The following NTM variants were observed in gnomAD, a reference collection of about 807,000 sequenced individuals.
The protein encoded by NTM is IgLON family member 2.
In NTM, 13 loss-of-function variants were observed where a neutral mutation model predicts 42.1. That is an observed-to-expected ratio of 0.31 (90% CI 0.20 to 0.49). NTM has a LOEUF of 0.49. NTM is among the 20% of genes least tolerant of loss of function. The pLI is 0.99. For missense variants in NTM, 373 were observed against 452.8 expected (o/e 0.82, Z 1.60); for synonymous variants, 187 against 179.2 (o/e 1.04, Z -0.35).
intron 1 of NTM, among the ~76,000 whole-genome samples, chr11:131,498,801 T>C (rs529844689): frequency 4.6e-5 from 7 of 152,334 alleles, no homozygotes; most frequent in African/African-American, 1.7e-4. Context: ...GCTGGGCTCC[T>C]CATTTGATCT....
intron 1 of NTM, among the ~76,000 whole-genome samples, chr11:131,762,389 G>T (rs2084350988): frequency 6.6e-6 from 1 of 152,228 alleles, no homozygotes; most frequent in Non-Finnish European, 1.5e-5. Context: ...GGATACCCAG[G>T]GGTGGAGACA....
At position 131,577,789 on chromosome 11, in the gene NTM, T is replaced by A. The variant is rs140147193; in HGVS notation, c.82+206901T>A. 6.7e-4 allele frequency among the ~76,000 whole-genome samples: 102 copies of A among 152,344 alleles called. 1 individual carries two copies. Among genetic ancestry groups the A allele is most frequent in the African/African-American group, 2.4e-3 (99 of 41,590 alleles). On this transcript the variant is annotated intron_variant, in intron 1 of 8. Transcript: ENST00000683400. ...GTGTGCAGTATGGATTAATAGTGAT[T>A]TCCTACTGTCTTAGATTTATTAAGA...
intron 1 of NTM, among the ~76,000 whole-genome samples, chr11:131,621,434 T>G (rs934690721): frequency 2.6e-5 from 4 of 152,012 alleles, no homozygotes; most frequent in African/African-American, 9.7e-5. Flanking sequence ...ATGACGGTCA[T>G]GGCCAAATAC....
At chr11:131,551,435 AC>A (rs965114473) in intron 1 of NTM, among the ~76,000 whole-genome samples, 1 of 151,968 alleles carries the variant, frequency 6.6e-6, no homozygotes, top group Non-Finnish European at 1.5e-5. Flanking sequence ...AAAAAAAAAA[AC>A]GCACGATTGC....
intron 2 of NTM, among the ~76,000 whole-genome samples, chr11:131,969,386 C>A (rs1228770844): frequency 4.6e-5 from 7 of 152,228 alleles, no homozygotes; most frequent in Admixed American, 4.6e-4. Flanking sequence ...CTACTCCATT[C>A]TTTTAGCTGT....
chr11:131,862,393 G>T (rs1446160516), intron 1 of NTM, among the ~76,000 whole-genome samples: 1 of 152,154 alleles, frequency 6.6e-6, no homozygotes. Flanking sequence ...CAACAGAACT[G>T]AGCAACCCTA....
At chr11:131,609,115 T>C (rs1234039009) in intron 1 of NTM, among the ~76,000 whole-genome samples, 3 of 152,254 alleles carry the variant, frequency 2.0e-5, no homozygotes, top group African/African-American at 7.2e-5. Context: ...CAGTTTTCTC[T>C]GAACCTCGGG....
Position 131,695,375 on chromosome 11 carries a change from C to T in NTM, c.83-216189C>T, listed in dbSNP as rs79629842. 4.2e-3 allele frequency among the ~76,000 whole-genome samples: 645 copies of T among 152,186 alleles called. 15 individuals are homozygous for T. In the East Asian group the frequency reaches 0.058, roughly 14 times the overall value. ...GGCTAGCTCAGAAAGGTTTCCTGAA[C>T]GAATGACTTTACGCAAACCTTCATG... On this transcript the variant is annotated intron_variant, in intron 1 of 8. Coordinates refer to ENST00000683400, the MANE Select transcript of NTM (RefSeq NM_001352005.2).
intron 2 of NTM, among the ~76,000 whole-genome samples, chr11:132,090,575 A>G (rs747747302): frequency 6.6e-6 from 1 of 152,148 alleles, no homozygotes; most frequent in Non-Finnish European, 1.5e-5. Flanking sequence ...AGTGAAATTC[A>G]GTCACTAAAT....
At chr11:131,540,593 T>A (rs1171661940) in intron 1 of NTM, 1 of 152,222 alleles carries the variant, frequency 6.6e-6, no homozygotes, top group Non-Finnish European at 1.5e-5. Context: ...TTGGCATGGC[T>A]GAATATAAAA....
At chr11:132,200,477 G>A (rs1019919388) in intron 3 of NTM, among the ~76,000 whole-genome samples, 1 of 152,202 alleles carries the variant, frequency 6.6e-6, no homozygotes, top group Non-Finnish European at 1.5e-5. Flanking sequence ...GCACTTTACT[G>A]CAGTCATGGG....
chr11:131,816,642 C>T (rs2092963373), intron 1 of NTM, among the ~76,000 whole-genome samples: 1 of 152,028 alleles, frequency 6.6e-6, no homozygotes, highest in Admixed American at 6.6e-5. Context: ...AATCGTACAC[C>T]TCTATAACAA....
chr11:131,602,349 G>A (rs1356817303), intron 1 of NTM, among the ~76,000 whole-genome samples: 1 of 152,170 alleles, frequency 6.6e-6, no homozygotes. Flanking sequence ...GGTGTTCAGA[G>A]CCTGGTCTGG....
chr11:131,684,235 G>A (rs1255089179), intron 1 of NTM, among the ~76,000 whole-genome samples: 2 of 152,174 alleles, frequency 1.3e-5, no homozygotes, highest in South Asian at 2.1e-4. Flanking sequence ...CCACGAGGAC[G>A]TCCTGACGAC....
In NTM at chr11:131,990,826, G is replaced by A. The variant is rs372059168; in HGVS notation, c.167+79178G>A. On this transcript the variant is annotated intron_variant, in intron 2 of 8. Transcript: ENST00000683400. ...CACATTTTCATCTCCTGTGAGTCAG[G>A]GACTGAGCTCTATAAACTATTTTCC... is the stretch of plus-strand genomic sequence containing the variant. Among the ~76,000 whole-genome samples, 18 of 152,146 alleles carry A rather than the reference G, an allele frequency of 1.2e-4. No homozygotes were observed. In the South Asian group the frequency reaches 3.7e-3, roughly 32 times the overall value.
intron 2 of NTM, among the ~76,000 whole-genome samples, chr11:132,115,049 C>T (rs370334525): frequency 8.5e-5 from 13 of 152,216 alleles, no homozygotes; most frequent in African/African-American, 2.2e-4. Flanking sequence ...ATAAGTCAGA[C>T]GTAGAAAGAC....
chr11:132,079,893 G>C (rs1440434078), intron 2 of NTM, among the ~76,000 whole-genome samples: 1 of 151,982 alleles, frequency 6.6e-6, no homozygotes, highest in Non-Finnish European at 1.5e-5. Flanking sequence ...GTTTTCCTTT[G>C]CTTGAACTGT....
chr11:131,949,023 C>T (rs561958616), intron 2 of NTM, among the ~76,000 whole-genome samples: 22 of 152,288 alleles, frequency 1.4e-4, no homozygotes, highest in Middle Eastern at 3.4e-3. Context: ...CACCATTCTA[C>T]GGTGACTCTA....
At chr11:131,750,148 C>T (rs1280132481) in intron 1 of NTM, among the ~76,000 whole-genome samples, 1 of 152,232 alleles carries the variant, frequency 6.6e-6, no homozygotes, top group East Asian at 1.9e-4. Flanking sequence ...TATCATTTCT[C>T]TCTAAGTCTG....
Sources: allele counts gnomAD v4.1 joint callset (sites outside exome capture counted in the v4.1 genomes callset), GRCh38; gene constraint gnomAD v4.1.1; transcripts MANE v1.5; gene names NCBI Gene and HGNC (gene_info 2026-07-23, HGNC 2026-07-21).